GALNTL6: variants seen among roughly 807,000 people sequenced by gnomAD.
GALNTL6 encodes polypeptide N-acetylgalactosaminyltransferase-like 6.
GALNTL6 carries 46 observed loss-of-function variants against 73.7 expected under a neutral mutation model. The observed-to-expected ratio is 0.62, with a 90% CI of 0.49 to 0.80. GALNTL6 has a LOEUF of 0.80. GALNTL6 is among the 30% of genes least tolerant of loss of function. The probability of loss-of-function intolerance (pLI) is 0.00; values close to 1 mark genes in which losing one functional copy is unlikely to be tolerated. For missense variants in GALNTL6, 604 were observed against 755.0 expected (o/e 0.80, Z 2.34); for synonymous variants, 259 against 263.7 (o/e 0.98, Z 0.17).
At chr4:172,193,863 A>T (rs1461272933) in intron 2 of GALNTL6, among the ~76,000 whole-genome samples, 1 of 152,176 alleles carries the variant, frequency 6.6e-6, no homozygotes, top group Non-Finnish European at 1.5e-5. Flanking sequence ...TCCATCTCAA[A>T]AAAAGAAAAG....
chr4:172,983,558 G>A (rs372057062), intron 10 of GALNTL6, among the ~76,000 whole-genome samples: 1 of 152,176 alleles, frequency 6.6e-6, no homozygotes, highest in African/African-American at 2.4e-5. Flanking sequence ...AGCCGGGCGT[G>A]GTGGCACATG....
intron 11 of GALNTL6, among the ~76,000 whole-genome samples, chr4:173,021,095 C>G (rs766917550): frequency 4.4e-4 from 66 of 150,880 alleles, no homozygotes; most frequent in Non-Finnish European, 8.1e-4. Context: ...CAAAAAAAGA[C>G]TTTATTTCTC....
chr4:172,241,615 A>C (rs916081043), intron 3 of GALNTL6, among the ~76,000 whole-genome samples: 1 of 152,214 alleles, frequency 6.6e-6, no homozygotes, highest in African/African-American at 2.4e-5. Flanking sequence ...AGGGTATGAA[A>C]CCCAACATTG....
At chr4:172,405,895 G>A (rs1189613553) in intron 5 of GALNTL6, among the ~76,000 whole-genome samples, 1 of 151,910 alleles carries the variant, frequency 6.6e-6, no homozygotes, top group Non-Finnish European at 1.5e-5. Flanking sequence ...TCACGGAAGA[G>A]CCCTCTCCCA....
intron 2 of GALNTL6, among the ~76,000 whole-genome samples, chr4:172,046,368 A>G (rs551684009): frequency 1.3e-5 from 2 of 152,260 alleles, no homozygotes; most frequent in African/African-American, 2.4e-5. Context: ...GGTTTGTTAC[A>G]TAGGTATACA....
chr4:172,682,458 A>T (rs1732681005), intron 5 of GALNTL6, among the ~76,000 whole-genome samples: 1 of 152,194 alleles, frequency 6.6e-6, no homozygotes. Flanking sequence ...AAGTTCAAAA[A>T]TAGTAATGTG....
intron 4 of GALNTL6, among the ~76,000 whole-genome samples, chr4:172,322,897 A>T (rs555334987): frequency 1.8e-4 from 27 of 152,322 alleles, no homozygotes; most frequent in African/African-American, 5.8e-4. Context: ...AATGCAGGAC[A>T]ACATCAAGCA....
chr4:172,049,135 C>A (rs1024074478), intron 2 of GALNTL6, among the ~76,000 whole-genome samples: 1 of 152,034 alleles, frequency 6.6e-6, no homozygotes, highest in Non-Finnish European at 1.5e-5. Context: ...GCTATAGTAT[C>A]TTTAGGTTAT....
At chr4:172,433,357 C>T (rs1731524821) in intron 5 of GALNTL6, among the ~76,000 whole-genome samples, 1 of 152,070 alleles carries the variant, frequency 6.6e-6, no homozygotes, top group Non-Finnish European at 1.5e-5. Flanking sequence ...TTTCCACCCT[C>T]AGCCCCCCGC....
chr4:171,907,641 C>A (rs558815525), intron 2 of GALNTL6, among the ~76,000 whole-genome samples: 4,103 of 149,822 alleles, frequency 0.027, 211 homozygotes, highest in African/African-American at 0.094. Flanking sequence ...TTGGAAAAAA[C>A]TACTTTAAAG....
intron 2 of GALNTL6, among the ~76,000 whole-genome samples, chr4:171,860,083 T>A (rs1735793810): frequency 6.6e-6 from 1 of 152,190 alleles, no homozygotes; most frequent in South Asian, 2.1e-4. Context: ...CCTTTTACTG[T>A]CCACATAAGA....
chr4:172,421,023 G>A (rs1162298544), intron 5 of GALNTL6, among the ~76,000 whole-genome samples: 1 of 152,070 alleles, frequency 6.6e-6, no homozygotes, highest in Non-Finnish European at 1.5e-5. Flanking sequence ...GGCAAGGGGA[G>A]AGAGAGCATT....
At chr4:172,437,265 C>G (rs1341642008) in intron 5 of GALNTL6, among the ~76,000 whole-genome samples, 1 of 152,098 alleles carries the variant, frequency 6.6e-6, no homozygotes, top group Non-Finnish European at 1.5e-5. Context: ...AAGCATAGTA[C>G]TTAAAACTGA....
chr4:172,912,594 C>T (rs988752815), intron 8 of GALNTL6, among the ~76,000 whole-genome samples: 17 of 152,330 alleles, frequency 1.1e-4, no homozygotes, highest in African/African-American at 2.6e-4. Flanking sequence ...CCAGGTCCCA[C>T]GCCCACAGAG....
intron 5 of GALNTL6, among the ~76,000 whole-genome samples, chr4:172,782,671 G>T (rs969340880): frequency 6.6e-6 from 1 of 152,052 alleles, no homozygotes; most frequent in Non-Finnish European, 1.5e-5. Context: ...TCTTCACACG[G>T]CTTCTTCGAA....
chr4:172,568,432 T>C (rs1026494090), intron 5 of GALNTL6, among the ~76,000 whole-genome samples: 29 of 152,070 alleles, frequency 1.9e-4, no homozygotes, highest in Non-Finnish European at 1.5e-5. Context: ...TATCTCTCAC[T>C]CTAAGGTCTC....
intron 5 of GALNTL6, among the ~76,000 whole-genome samples, chr4:172,558,263 A>T (rs1736217866): frequency 6.6e-6 from 1 of 152,218 alleles, no homozygotes; most frequent in Non-Finnish European, 1.5e-5. Flanking sequence ...AACCTACCAG[A>T]TAAAGAAAAT....
intron 2 of GALNTL6, among the ~76,000 whole-genome samples, chr4:172,183,681 A>G (rs1043608626): frequency 1.3e-5 from 2 of 152,112 alleles, no homozygotes; most frequent in Admixed American, 6.5e-5. Flanking sequence ...GAGACTGCCT[A>G]TTCCTCTTAC....
chr4:172,124,555 T>A (rs1440967271), intron 2 of GALNTL6, among the ~76,000 whole-genome samples: 1 of 152,090 alleles, frequency 6.6e-6, no homozygotes, highest in Middle Eastern at 3.2e-3. Flanking sequence ...TAAAACAAAT[T>A]TAACTTTTTC....
Sources: gnomAD v4.1 joint callset for allele counts (sites outside exome capture counted in the v4.1 genomes callset) on GRCh38, gnomAD v4.1.1 for gene constraint, MANE v1.5 for transcripts, NCBI Gene and HGNC (gene_info 2026-07-23, HGNC 2026-07-21) for gene names.